MAST2: variants seen among roughly 807,000 people sequenced by gnomAD.
MAST2 encodes the protein microtubule-associated serine/threonine-protein kinase 2.
In MAST2, 70 loss-of-function variants were observed where a neutral mutation model predicts 147.4. The ratio of observed to expected loss-of-function variants is 0.47; its 90% CI spans 0.39 to 0.58. The LOEUF is 0.58. MAST2 is among the 20% of genes least tolerant of loss of function. MAST2 has a pLI of 0.00. For synonymous variants in MAST2, 869 were observed against 896.8 expected (o/e 0.97, Z 0.55); for missense variants, 2,080 against 2,302.3 (o/e 0.90, Z 1.98).
rs1292573305 is a variant in MAST2, at chr1:45,965,164, G to T, written c.592+5687G>T. Among the ~76,000 whole-genome samples, 7 of 152,290 alleles carry T rather than the reference G, an allele frequency of 4.6e-5. No homozygotes were observed. The East Asian group carries it at 1.3e-3, about 29-fold the overall frequency. ...CTATGTGGTCAATTTTGGAATAGGT[G>T]CGGTGTGGTGCTGGGAAGAATGTAT... On this transcript the variant is annotated intron_variant, in intron 5 of 28. Coordinates refer to ENST00000361297, the MANE Select transcript of MAST2 (RefSeq NM_015112.3).
intron 15 of MAST2, among the ~76,000 whole-genome samples, 175 bp from the exon 16 acceptor site, chr1:46,025,502 A>G (rs937100686): frequency 1.3e-5 from 2 of 152,086 alleles, no homozygotes; most frequent in Admixed American, 1.3e-4. Context: ...CAGCCAAACC[A>G]TATCACCCTG....
chr1:46,023,026 G>A lies in MAST2; in HGVS notation c.1485+55G>A. On this transcript the variant is annotated intron_variant, in intron 13 of 28. Coordinates refer to ENST00000361297, the MANE Select transcript of MAST2 (RefSeq NM_015112.3). The surrounding 1 kb of genome is among the most constrained non-coding windows in gnomAD (Gnocchi z 4.9). The stretch of plus-strand genomic sequence containing the variant: ...TGGAGCCTGGGCCCTATGAAGCAAA[G>A]AGCTATGAATTCTCTTTAAGAGAAT... The A allele has an allele frequency of 1.3e-6, 2 of 1,527,176 alleles. No individual in the cohort carries two copies. Among genetic ancestry groups the A allele is most frequent in the Non-Finnish European group, 1.8e-6 (2 of 1,103,368 alleles). 94.6% of individuals were successfully genotyped at this position (1,527,176 alleles called of 1,614,324 possible).
At chr1:45,833,382 G>T (rs907310711) in intron 3 of MAST2, among the ~76,000 whole-genome samples, 1 of 80,910 alleles carries the variant, frequency 1.2e-5, no homozygotes. Flanking sequence ...TATTGTTCAA[G>T]ATTAGTTCTT....
Position 46,023,450 on chromosome 1 carries a change from C to T in MAST2, c.1571+132C>T. 1.3e-6 allele frequency: 1 copy of T among 796,328 alleles called. No individual in the cohort carries two copies. Among genetic ancestry groups the T allele is most frequent in the Non-Finnish European group, 2.1e-6 (1 of 475,490 alleles). 49.3% of individuals were successfully genotyped at this position (796,328 alleles called of 1,614,324 possible). A position where few individuals can be genotyped will look rare whatever the true frequency, so the allele number is the denominator to read the frequency against. The stretch of plus-strand genomic sequence containing the variant: ...TGGACCTTCTCACTCCCAGAAGCCT[C>T]CTGGGTGGGCAGGAGTTCAGATTCC... On this transcript the variant is annotated intron_variant, in intron 14 of 28. Coordinates refer to ENST00000361297, the MANE Select transcript of MAST2 (RefSeq NM_015112.3). The surrounding 1 kb of genome is among the most constrained non-coding windows in gnomAD (Gnocchi z 4.9).
At chr1:45,967,082 T>G (rs1315955054) in intron 5 of MAST2, among the ~76,000 whole-genome samples, 1 of 146,112 alleles carries the variant, frequency 6.8e-6, no homozygotes, top group African/African-American at 2.5e-5. Context: ...CCAGGCAGGC[T>G]TTTTTTTTTG....
chr1:45,857,850 GTTTTTTTTT>G (rs35371770), intron 3 of MAST2, among the ~76,000 whole-genome samples: 1 of 66,572 alleles, frequency 1.5e-5, no homozygotes, highest in Non-Finnish European at 2.7e-5. Context: ...AACATGCGGT[GTTTTTTTTT>G]TTTTTTTTTT....
chr1:45,930,645 C>T (rs1475946034), intron 4 of MAST2, among the ~76,000 whole-genome samples: 1 of 152,044 alleles, frequency 6.6e-6, no homozygotes, highest in Non-Finnish European at 1.5e-5. Flanking sequence ...CAGTCATTCC[C>T]AGAACTTTTC....
chr1:45,889,323 A>C (rs974710607), intron 4 of MAST2, among the ~76,000 whole-genome samples: 1 of 151,912 alleles, frequency 6.6e-6, no homozygotes. Flanking sequence ...AGTAGCTGGG[A>C]CCACAGGTGC....
Position 45,959,612 on chromosome 1 carries a change from C to T in MAST2, c.592+135C>T, listed in dbSNP as rs1660119795. The stretch of plus-strand genomic sequence containing the variant: ...TTGGCTGACTGAAGCAGACAGAGCT[C>T]ATGGGCTTGCTTTCTGTACGAGAAT... On this transcript the variant is annotated intron_variant, in intron 5 of 28. Coordinates refer to ENST00000361297, the MANE Select transcript of MAST2 (RefSeq NM_015112.3). 3 of 694,922 alleles carry T rather than the reference C, an allele frequency of 4.3e-6. No individual in the cohort carries two copies. In the South Asian group the frequency reaches 5.6e-5, roughly 13 times the overall value. The allele number at this position is 694,922 out of a possible 1,614,324, so 43.0% of individuals were successfully genotyped here.
chr1:46,027,492 C>A (rs1376982019), intron 16 of MAST2, among the ~76,000 whole-genome samples: 1 of 152,132 alleles, frequency 6.6e-6, no homozygotes, highest in Admixed American at 6.5e-5. Context: ...GGGCAATAAG[C>A]AGAAATGGAG....
intron 3 of MAST2, among the ~76,000 whole-genome samples, chr1:45,841,497 T>TG (rs1481255993): frequency 6.6e-6 from 1 of 151,992 alleles, no homozygotes; most frequent in Non-Finnish European, 1.5e-5. Context: ...AAGAAATACA[T>TG]GTATTCCTTA....
chr1:45,987,256 T>G (rs1644663089), intron 5 of MAST2, among the ~76,000 whole-genome samples: 1 of 152,222 alleles, frequency 6.6e-6, no homozygotes, highest in Non-Finnish European at 1.5e-5. Flanking sequence ...GTCTTTTTTT[T>G]TCCTGATTAG....
intron 4 of MAST2, chr1:45,913,652 T>TG (rs1652015057): frequency 9.8e-7 from 1 of 1,015,434 alleles, no homozygotes. Context: ...AGGTCTTTTG[T>TG]GGGGGGATGG....
chr1:45,827,659 A>AT (rs5773894), intron 2 of MAST2, among the ~76,000 whole-genome samples: 66,698 of 149,576 alleles, frequency 0.45, 14,836 homozygotes, highest in East Asian at 0.62. Context: ...CATCATCATT[A>AT]TTTTTTTTTT....
intron 3 of MAST2, among the ~76,000 whole-genome samples, chr1:45,872,544 A>G (rs557204201): frequency 2.7e-5 from 4 of 149,412 alleles, no homozygotes; most frequent in African/African-American, 7.4e-5. Flanking sequence ...GCAATGGGGC[A>G]ATCTCGGCTC....
At chr1:45,919,021 G>C (rs1557905659) in intron 4 of MAST2, among the ~76,000 whole-genome samples, 1 of 152,180 alleles carries the variant, frequency 6.6e-6, no homozygotes, top group Non-Finnish European at 1.5e-5. Context: ...TACTCTGGCG[G>C]CTGAGGTGGG....
Position 45,862,487 on chromosome 1 carries a change from A to ATTTTTTT in MAST2, c.469-19865_469-19859dup, listed in dbSNP as rs67344347. 1.8e-4 allele frequency among the ~76,000 whole-genome samples: 24 copies of ATTTTTTT among 136,238 alleles called. 1 individual carries two copies. The highest frequency in any genetic ancestry group is 1.9e-4 in the Non-Finnish European group (12 of 63,404). The allele number at this position is 136,238 out of a possible 152,430, so 89.4% of individuals were successfully genotyped here. A position where few individuals can be genotyped will look rare whatever the true frequency, so the allele number is the denominator to read the frequency against. ...ATTTTTTAGATAGTGAGGACTGAAG[A>ATTTTTTT]TTTTTTTTTTTTTTTTTTAACCTTG... On this transcript the variant is annotated intron_variant, in intron 3 of 28. Transcript: ENST00000361297.
chr1:45,865,495 A>G (rs780448970), intron 3 of MAST2, among the ~76,000 whole-genome samples: 5 of 152,146 alleles, frequency 3.3e-5, no homozygotes, highest in African/African-American at 4.8e-5. Context: ...TCTGCCCACC[A>G]TTAAGTCACA....
Position 46,035,650 on chromosome 1 carries a change from C to T in MAST2, c.4981C>T (p.Leu1661Phe), listed in dbSNP as rs1646874448. Residue 1661 changes from leucine to phenylalanine, a missense_variant, in exon 29 of 29, where the codon CTT becomes TTT. This residue lies in a region of MAST2 where 1,278 missense variants were observed against 1,304.2 expected (regional missense o/e 0.98). Transcript: ENST00000361297. The surrounding 1 kb of genome is among the most constrained non-coding windows in gnomAD (Gnocchi z 5.5). ...GCTGAGCATGTGGTCCTGGAAATCC[C>T]TTATTGAGGGCCCAGACAGGGCATC... is the stretch of plus-strand genomic sequence containing the variant. ...GKLSMWSWKSLIEGPDRASPS... is the reference protein window; with the variant it reads ...GKLSMWSWKSFIEGPDRASPS... 3 of 1,613,934 alleles carry T rather than the reference C, an allele frequency of 1.9e-6. No individual in the cohort carries two copies. The highest frequency in any genetic ancestry group is 1.1e-5 in the South Asian group (1 of 91,064).
Sources: gnomAD v4.1 joint callset for allele counts (sites outside exome capture counted in the v4.1 genomes callset) on GRCh38, gnomAD v4.1.1 for gene constraint, gnomAD v4.1.1 regional missense constraint, Gnocchi (gnomAD v3.1) non-coding constraint, MANE v1.5 for transcripts, NCBI Gene and HGNC (gene_info 2026-07-23, HGNC 2026-07-21) for gene names.